Variants in RCSD1 observed in about 807,000 individuals in gnomAD.
RCSD1 encodes capZ-interacting protein.
RCSD1 carries 26 observed loss-of-function variants against 42.5 expected under a neutral mutation model. The ratio of observed to expected loss-of-function variants is 0.61; its 90% confidence interval spans 0.45 to 0.85. RCSD1 has a LOEUF of 0.85. RCSD1 is among the 40% of genes least tolerant of loss of function. The pLI is 0.00. For missense variants in RCSD1, 571 were observed against 528.3 expected, an observed-to-expected ratio of 1.08 and a Z score of -0.79; for synonymous variants, 220 against 212.2, an observed-to-expected ratio of 1.04 and a Z score of -0.32.
intron 5 of RCSD1, among the ~76,000 whole-genome samples, chr1:167,695,158 C>T (rs1227214306): frequency 6.6e-6 from 1 of 152,242 alleles, no homozygotes; most frequent in Non-Finnish European, 1.5e-5. Context: ...AGGCTTGAGC[C>T]TGCCGGCTAG....
intron 1 of RCSD1, among the ~76,000 whole-genome samples, chr1:167,657,236 T>A (rs2102211274): frequency 6.6e-6 from 1 of 152,342 alleles, no homozygotes; most frequent in South Asian, 2.1e-4. Context: ...ATACAATCTG[T>A]TTATCACCAG....
intron 2 of RCSD1, among the ~76,000 whole-genome samples, 187 bp from the exon 3 acceptor site, chr1:167,685,234 C>G (rs1659197775): frequency 6.6e-6 from 1 of 152,152 alleles, no homozygotes; most frequent in Non-Finnish European, 1.5e-5. Context: ...AAATAGTAAG[C>G]AGGCTGTCCC....
intron 1 of RCSD1, among the ~76,000 whole-genome samples, chr1:167,682,126 G>A (rs1027699605): frequency 4.6e-5 from 7 of 151,928 alleles, no homozygotes; most frequent in Admixed American, 1.3e-4. Flanking sequence ...TTCGCAGATC[G>A]GAAAGTCCAT....
intron 4 of RCSD1, among the ~76,000 whole-genome samples, chr1:167,690,613 G>A (rs1659352258): frequency 6.6e-6 from 1 of 152,114 alleles, no homozygotes; most frequent in Admixed American, 6.5e-5. Context: ...GGTTGAGACT[G>A]TATTGAGCTG....
At chr1:167,634,892 G>A (rs1657797272) in intron 1 of RCSD1, among the ~76,000 whole-genome samples, 1 of 151,884 alleles carries the variant, frequency 6.6e-6, no homozygotes, top group Admixed American at 6.6e-5. Context: ...AAATTATGGA[G>A]CTCTCATGTC....
At chr1:167,660,593 C>A (rs999514406) in intron 1 of RCSD1, among the ~76,000 whole-genome samples, 4 of 151,994 alleles carry the variant, frequency 2.6e-5, no homozygotes, top group African/African-American at 9.7e-5. Flanking sequence ...TCTTGAATAC[C>A]TCTTGAATAT....
chr1:167,702,014 G>A (rs1659657139), intron 6 of RCSD1, among the ~76,000 whole-genome samples: 1 of 152,212 alleles, frequency 6.6e-6, no homozygotes, highest in Non-Finnish European at 1.5e-5. Context: ...TCTGTCGGTA[G>A]AAATAGATTG....
At chr1:167,680,084 G>C (rs1659042811) in intron 1 of RCSD1, among the ~76,000 whole-genome samples, 1 of 152,142 alleles carries the variant, frequency 6.6e-6, no homozygotes, top group Admixed American at 6.5e-5. Flanking sequence ...GCATGGCCCA[G>C]CTGGAAGGTA....
At chr1:167,680,979 T>G (rs1237944181) in intron 1 of RCSD1, among the ~76,000 whole-genome samples, 1 of 151,918 alleles carries the variant, frequency 6.6e-6, no homozygotes, top group Non-Finnish European at 1.5e-5. Flanking sequence ...ATGGCTGAGG[T>G]GGTATGGTGC....
chr1:167,706,273 G>A lies in RCSD1; in HGVS notation c.*1577G>A, dbSNP rs1270801983. ...GAGATGTGTGTGTCAATTATTTTGA[G>A]ATCTATAAACTTGTCTGTCTATCTA... On this transcript the variant is annotated 3_prime_UTR_variant, in exon 7 of 7. Coordinates refer to ENST00000367854, the MANE Select transcript of RCSD1 (RefSeq NM_052862.4). The A allele has an allele frequency of 6.6e-6, 1 of 152,184 alleles. No homozygotes were observed. The highest frequency in any genetic ancestry group is 6.5e-5 in the Admixed American group (1 of 15,278). 9.4% of individuals were successfully genotyped at this position (152,184 alleles called of 1,614,324 possible).
intron 1 of RCSD1, among the ~76,000 whole-genome samples, chr1:167,656,368 T>C (rs1420506755): frequency 6.6e-6 from 1 of 152,206 alleles, no homozygotes; most frequent in Non-Finnish European, 1.5e-5. Context: ...GAAATTAATA[T>C]ATTAAACCAA....
chr1:167,699,049 C>G (rs1013856891), intron 6 of RCSD1, among the ~76,000 whole-genome samples: 4 of 152,110 alleles, frequency 2.6e-5, no homozygotes, highest in African/African-American at 7.2e-5. Flanking sequence ...CCACCTGCCT[C>G]GGCCTCCCAA....
At chr1:167,704,019 C>T (rs1659701344) in intron 6 of RCSD1, among the ~76,000 whole-genome samples, 1 of 152,180 alleles carries the variant, frequency 6.6e-6, no homozygotes, top group South Asian at 2.1e-4. Flanking sequence ...ACTGTGGTTA[C>T]ATTCCCAAAT....
chr1:167,669,620 T>G (rs2102220600), intron 1 of RCSD1, among the ~76,000 whole-genome samples: 1 of 152,382 alleles, frequency 6.6e-6, no homozygotes, highest in East Asian at 1.9e-4. Context: ...GCAAATGGCC[T>G]GGCATGTACT....
chr1:167,702,884 C>G, intron 6 of RCSD1, among the ~76,000 whole-genome samples: 1 of 152,146 alleles, frequency 6.6e-6, no homozygotes, highest in Middle Eastern at 3.2e-3. Flanking sequence ...CTCAGCTATG[C>G]CAGAGACTAA....
chr1:167,697,081 C>T lies in RCSD1; in HGVS notation c.475-18C>T. 3 of 1,597,338 alleles carry T rather than the reference C, an allele frequency of 1.9e-6. No homozygotes were observed. Among genetic ancestry groups the T allele is most frequent in the Non-Finnish European group, 2.6e-6 (3 of 1,172,566 alleles). On this transcript the variant is annotated intron_variant, in intron 5 of 6. Coordinates refer to ENST00000367854, the MANE Select transcript of RCSD1 (RefSeq NM_052862.4). ...TTTTATGAGTTTTTGGATAACTTTCCTTAACACTTTCTTCTAGGTGCGGAC... is the reference window on the plus strand; with the variant it reads ...TTTTATGAGTTTTTGGATAACTTTCTTTAACACTTTCTTCTAGGTGCGGAC...
chr1:167,636,747 C>T (rs141110558), intron 1 of RCSD1, among the ~76,000 whole-genome samples: 99 of 152,212 alleles, frequency 6.5e-4, no homozygotes, highest in African/African-American at 1.9e-3. Flanking sequence ...CCACCACACT[C>T]GGCTAATTTT....
Position 167,693,997 on chromosome 1 carries a change from C to T in RCSD1, c.271-102C>T, listed in dbSNP as rs952171270. On this transcript the variant is annotated intron_variant, in intron 4 of 6. Transcript: ENST00000367854. Reference sequence around the variant, plus strand: ...AAGTAGCATGAAAAGCCTGGTGTTACCTAGTCTCAACCAGGCCTGAGGCCA... The same window carrying T: ...AAGTAGCATGAAAAGCCTGGTGTTATCTAGTCTCAACCAGGCCTGAGGCCA... 13 of 1,072,228 alleles carry T rather than the reference C, an allele frequency of 1.2e-5. No individual in the cohort carries two copies. The East Asian group carries it at 2.4e-4, about 20-fold the overall frequency. The allele number at this position is 1,072,228 out of a possible 1,614,324, so 66.4% of individuals were successfully genotyped here. A position where few individuals can be genotyped will look rare whatever the true frequency, so the allele number is the denominator to read the frequency against.
At chr1:167,642,808 A>G (rs74119895) in intron 1 of RCSD1, among the ~76,000 whole-genome samples, 2,453 of 152,294 alleles carry the variant, frequency 0.016, 55 homozygotes, top group African/African-American at 0.056. Flanking sequence ...TCTTTCCCAT[A>G]AGGCTTGTAC....
Sources: gnomAD v4.1 joint callset for allele counts (sites outside exome capture counted in the v4.1 genomes callset) on GRCh38, gnomAD v4.1.1 for gene constraint, MANE v1.5 for transcripts, NCBI Gene and HGNC (gene_info 2026-07-23, HGNC 2026-07-21) for gene names.